The following METTL15 variants were observed in gnomAD, a reference collection of about 807,000 sequenced individuals.
METTL15 encodes 12S rRNA N(4)-cytidine methyltransferase METTL15.
Under a neutral mutation model 38.3 loss-of-function variants are expected in METTL15, and 34 were observed. That is an observed-to-expected ratio of 0.89 (90% CI 0.68 to 1.18). The LOEUF (loss-of-function observed/expected upper bound fraction) is 1.18, where lower values mean the gene tolerates loss of function less well. Ranked by LOEUF, METTL15 falls within the 50% of genes most tolerant of loss-of-function variation. The pLI is 0.00. For synonymous variants in METTL15, 162 were observed against 170.9 expected (o/e 0.95, Z 0.41); for missense variants, 438 against 498.4 (o/e 0.88, Z 1.15).
chr11:28,152,553 T>C (rs1004239587), intron 3 of METTL15, among the ~76,000 whole-genome samples: 1 of 150,838 alleles, frequency 6.6e-6, no homozygotes, highest in African/African-American at 2.4e-5. Context: ...TTTGAGGGCC[T>C]TTTTTTTTGT....
intron 5 of METTL15, among the ~76,000 whole-genome samples, chr11:28,378,761 G>GTTTTTTTTTTTTT (rs61227879): frequency 8.1e-6 from 1 of 123,920 alleles, no homozygotes; most frequent in Non-Finnish European, 1.6e-5. Flanking sequence ...CTCCTCTTCA[G>GTTTTTTTTTTTTT]TTTTTTTTTT....
intron 6 of METTL15, among the ~76,000 whole-genome samples, chr11:28,428,352 G>T (rs1021990097): frequency 1.3e-5 from 2 of 152,038 alleles, no homozygotes; most frequent in Non-Finnish European, 2.9e-5. Context: ...TGGTCTTTTG[G>T]GACCACTGCC....
At chr11:28,505,211 C>T (rs1028656687) in intron 6 of METTL15, among the ~76,000 whole-genome samples, 1 of 150,714 alleles carries the variant, frequency 6.6e-6, no homozygotes, top group African/African-American at 2.5e-5. Context: ...CATAGAGATT[C>T]GGGTATATTT....
intron 6 of METTL15, among the ~76,000 whole-genome samples, chr11:28,490,639 G>A (rs1042545936): frequency 2.6e-5 from 4 of 151,906 alleles, no homozygotes; most frequent in Non-Finnish European, 4.4e-5. Flanking sequence ...AGTTAGGGTC[G>A]AGCACCACTA....
intron 6 of METTL15, among the ~76,000 whole-genome samples, chr11:28,498,617 C>T (rs961412997): frequency 2.0e-5 from 3 of 152,190 alleles, no homozygotes; most frequent in African/African-American, 7.2e-5. Flanking sequence ...TTTGCACTGA[C>T]CTGACTAAAA....
At chr11:28,485,140 C>T (rs1413115057) in intron 6 of METTL15, among the ~76,000 whole-genome samples, 1 of 150,728 alleles carries the variant, frequency 6.6e-6, no homozygotes, top group Non-Finnish European at 1.5e-5. Context: ...CACACACACA[C>T]TCACACCCCA....
At chr11:28,240,941 T>C (rs1184804973) in intron 4 of METTL15, among the ~76,000 whole-genome samples, 1 of 152,226 alleles carries the variant, frequency 6.6e-6, no homozygotes, top group African/African-American at 2.4e-5. Context: ...AAGATTTGAT[T>C]GTCAGAAAAT....
intron 5 of METTL15, among the ~76,000 whole-genome samples, chr11:28,417,867 A>C (rs540871402): frequency 1.3e-5 from 2 of 152,184 alleles, no homozygotes; most frequent in Non-Finnish European, 2.9e-5. Flanking sequence ...CATATGTATA[A>C]AAATAGGTTC....
At chr11:28,187,504 G>C (rs993233646) in intron 3 of METTL15, among the ~76,000 whole-genome samples, 1 of 145,894 alleles carries the variant, frequency 6.9e-6, no homozygotes, top group Non-Finnish European at 1.5e-5. Flanking sequence ...TGGTACATAA[G>C]AACACAATAA....
intron 3 of METTL15, among the ~76,000 whole-genome samples, chr11:28,198,100 G>A (rs1006113243): frequency 1.3e-5 from 2 of 152,036 alleles, no homozygotes; most frequent in African/African-American, 2.4e-5. Flanking sequence ...TGTTTGTCCA[G>A]TATGGGTTAT....
chr11:28,125,343 G>A (rs1049818263), intron 3 of METTL15, among the ~76,000 whole-genome samples: 1 of 152,010 alleles, frequency 6.6e-6, no homozygotes, highest in African/African-American at 2.4e-5. Context: ...TGAAAGCCAG[G>A]AGTAAGTTGT....
At chr11:28,320,112 A>G (rs1849411722) in intron 6 of METTL15, among the ~76,000 whole-genome samples, 1 of 152,062 alleles carries the variant, frequency 6.6e-6, no homozygotes. Context: ...ATTGTGGGTA[A>G]TAAATTTTTT....
rs527483399 is a variant in METTL15, at chr11:28,268,069, C to T, written c.408-22137C>T. 6.2e-4 allele frequency among the ~76,000 whole-genome samples: 93 copies of T among 149,992 alleles called. 2 individuals are homozygous for T. The South Asian group carries it at 0.018, about 29-fold the overall frequency. Reference sequence around the variant, plus strand: ...AAAATTAGCCGGGCATAGTGGCGGGCGCCTGTAGTCCCAGCTACTTGGGAG... The same window carrying T: ...AAAATTAGCCGGGCATAGTGGCGGGTGCCTGTAGTCCCAGCTACTTGGGAG... On this transcript the variant is annotated intron_variant, in intron 4 of 6. Transcript: ENST00000407364.
intron 6 of METTL15, among the ~76,000 whole-genome samples, chr11:28,320,015 TTAAG>T (rs1466055023): frequency 6.6e-6 from 1 of 152,112 alleles, no homozygotes; most frequent in Non-Finnish European, 1.5e-5. Context: ...ATCACAATAT[TTAAG>T]TATCATTCTT....
chr11:28,511,161 G>T (rs183920744), intron 6 of METTL15, among the ~76,000 whole-genome samples: 4 of 152,160 alleles, frequency 2.6e-5, no homozygotes, highest in Non-Finnish European at 5.9e-5. Context: ...TGGTATAGTT[G>T]ACCCTTGACC....
chr11:28,379,446 A>G (rs1429104539), intron 5 of METTL15, among the ~76,000 whole-genome samples: 9 of 152,026 alleles, frequency 5.9e-5, no homozygotes, highest in Non-Finnish European at 1.5e-5. Flanking sequence ...TTAATTTTCT[A>G]CTTCATTTCT....
intron 4 of METTL15, among the ~76,000 whole-genome samples, chr11:28,354,411 A>C (rs1850072449): frequency 6.6e-6 from 1 of 152,152 alleles, no homozygotes; most frequent in Non-Finnish European, 1.5e-5. Context: ...TAATCTATAG[A>C]ATTCTTGGGT....
At chr11:28,175,328 T>G in intron 3 of METTL15, among the ~76,000 whole-genome samples, 1 of 152,220 alleles carries the variant, frequency 6.6e-6, no homozygotes, top group South Asian at 2.1e-4. Context: ...GTGCCACATT[T>G]TCTTAATCCA....
chr11:28,492,289 T>C (rs899835200), intron 6 of METTL15, among the ~76,000 whole-genome samples: 1 of 151,846 alleles, frequency 6.6e-6, no homozygotes, highest in Non-Finnish European at 1.5e-5. Flanking sequence ...CCATGGAGGG[T>C]CTGGGATTGG....
Sources: gnomAD v4.1 joint callset for allele counts (sites outside exome capture counted in the v4.1 genomes callset) on GRCh38, gnomAD v4.1.1 for gene constraint, MANE v1.5 for transcripts, NCBI Gene and HGNC (gene_info 2026-07-23, HGNC 2026-07-21) for gene names.